CACNA2D3: variants seen among roughly 807,000 people sequenced by gnomAD.
The protein encoded by CACNA2D3 is voltage-dependent calcium channel subunit alpha-2/delta-3.
Under a neutral mutation model 160.6 loss-of-function variants are expected in CACNA2D3, and 60 were observed. The ratio of observed to expected loss-of-function variants is 0.37; its 90% CI spans 0.30 to 0.46. The LOEUF (loss-of-function observed/expected upper bound fraction) is 0.46. Ranked by LOEUF, CACNA2D3 falls within the 20% of genes least tolerant of loss-of-function variation. The pLI, the probability that CACNA2D3 is intolerant of heterozygous loss-of-function variation, is 1.00. For synonymous variants in CACNA2D3, 558 were observed against 492.9 expected (o/e 1.13, Z -1.75); for missense variants, 1,205 against 1,365.0 (o/e 0.88, Z 1.85).
intron 29 of CACNA2D3, among the ~76,000 whole-genome samples, chr3:54,981,094 T>C (rs905733176): frequency 6.6e-6 from 1 of 152,188 alleles, no homozygotes; most frequent in East Asian, 1.9e-4. Flanking sequence ...CCTGAACCCA[T>C]GCTGCCATGG....
chr3:54,314,823 C>T (rs949678627), intron 2 of CACNA2D3, among the ~76,000 whole-genome samples: 5 of 152,214 alleles, frequency 3.3e-5, no homozygotes, highest in Non-Finnish European at 1.5e-5. Flanking sequence ...GCAGAACAAA[C>T]AAATGGAGTG....
chr3:54,165,693 T>TGAGCCGAGGTGGGAGGATTGCTC (rs1401348615), intron 2 of CACNA2D3, among the ~76,000 whole-genome samples: 4 of 151,186 alleles, frequency 2.6e-5, no homozygotes, highest in Non-Finnish European at 1.5e-5. Flanking sequence ...GAGGATTGCT[T>TGAGCCGAGGTGGGAGGATTGCTC]GAGCCGAGGT....
intron 13 of CACNA2D3, among the ~76,000 whole-genome samples, chr3:54,783,793 C>T (rs1702578753): frequency 6.6e-6 from 1 of 152,080 alleles, no homozygotes; most frequent in African/African-American, 2.4e-5. Context: ...GAAAACTCAG[C>T]TCATCACACT....
chr3:54,406,805 A>T (rs370792897), intron 4 of CACNA2D3, among the ~76,000 whole-genome samples: 21 of 152,120 alleles, frequency 1.4e-4, no homozygotes, highest in African/African-American at 5.1e-4. Flanking sequence ...AAGTGAGTAG[A>T]TAGATTATAG....
At chr3:54,236,633 G>T (rs1001295610) in intron 2 of CACNA2D3, among the ~76,000 whole-genome samples, 18 of 152,164 alleles carry the variant, frequency 1.2e-4, no homozygotes, top group Admixed American at 1.0e-3. Flanking sequence ...CATAGAAGTT[G>T]TCAAAGATGT....
intron 9 of CACNA2D3, among the ~76,000 whole-genome samples, chr3:54,619,433 G>A (rs1190078543): frequency 1.3e-5 from 2 of 152,196 alleles, no homozygotes; most frequent in Non-Finnish European, 2.9e-5. Flanking sequence ...ATTGAAATGA[G>A]GATGTAGCTA....
chr3:54,277,703 T>C (rs1702778373), intron 2 of CACNA2D3, among the ~76,000 whole-genome samples: 1 of 152,234 alleles, frequency 6.6e-6, no homozygotes, highest in Non-Finnish European at 1.5e-5. Flanking sequence ...GCATTGAATC[T>C]ATAAATTACT....
At chr3:54,163,482 A>T (rs896263247) in intron 2 of CACNA2D3, among the ~76,000 whole-genome samples, 2 of 152,196 alleles carry the variant, frequency 1.3e-5, no homozygotes, top group Non-Finnish European at 2.9e-5. Context: ...GGTGGAATCC[A>T]TAATGGCTTC....
chr3:54,496,488 T>C lies in CACNA2D3; in HGVS notation c.382-7004T>C, dbSNP rs573242674. ...TGTCTGTTCAAATCTTTTGCCCATA[T>C]TTTGATTAATATTTTCAGTTGAGCT... On this transcript the variant is annotated intron_variant, in intron 4 of 37. Coordinates refer to ENST00000474759, the MANE Select transcript of CACNA2D3 (RefSeq NM_018398.3). Among the ~76,000 whole-genome samples, 21 of 152,322 alleles carry C rather than the reference T, an allele frequency of 1.4e-4. No individual in the cohort carries two copies. The South Asian group carries it at 4.1e-3, about 30-fold the overall frequency.
intron 27 of CACNA2D3, among the ~76,000 whole-genome samples, chr3:54,941,888 G>A (rs1441250806): frequency 2.0e-5 from 3 of 152,180 alleles, no homozygotes; most frequent in African/African-American, 4.8e-5. Context: ...TGTCTCGGCT[G>A]TAGTAAAAAT....
At chr3:54,192,888 T>C (rs1208957370) in intron 2 of CACNA2D3, among the ~76,000 whole-genome samples, 1 of 152,154 alleles carries the variant, frequency 6.6e-6, no homozygotes, top group Non-Finnish European at 1.5e-5. Context: ...AATCAGATCA[T>C]GTAGGAGACC....
rs200390121 is a variant in CACNA2D3, at chr3:54,918,580, G to A, written c.2449+18712G>A. 34 of 1,614,002 alleles carry A rather than the reference G, an allele frequency of 2.1e-5. No individual in the cohort carries two copies. The highest frequency in any genetic ancestry group is 2.8e-5 in the Non-Finnish European group (33 of 1,180,008). ...CGCATAGGTGCAGCCATAGATGGCA[G>A]CTGCCAACATCATGAGACACACAAT... On this transcript the variant is annotated intron_variant, in intron 27 of 37. Transcript: ENST00000474759.
chr3:54,339,549 A>T (rs190012095), intron 3 of CACNA2D3, among the ~76,000 whole-genome samples: 13 of 152,298 alleles, frequency 8.5e-5, no homozygotes, highest in Non-Finnish European at 1.8e-4. Flanking sequence ...ACTTTAGCCC[A>T]GTGAGGAGAA....
chr3:54,541,657 G>C (rs972684567), intron 5 of CACNA2D3, among the ~76,000 whole-genome samples: 1 of 152,188 alleles, frequency 6.6e-6, no homozygotes, highest in Admixed American at 6.5e-5. Flanking sequence ...TTGTTGGGCA[G>C]TTTCTCAAGT....
intron 8 of CACNA2D3, among the ~76,000 whole-genome samples, chr3:54,579,656 C>A (rs1315625752): frequency 6.6e-6 from 1 of 152,136 alleles, no homozygotes; most frequent in South Asian, 2.1e-4. Context: ...CACCCTAAAC[C>A]AAATGAGTCA....
chr3:54,788,100 C>T (rs1253153807), intron 13 of CACNA2D3, among the ~76,000 whole-genome samples: 2 of 152,156 alleles, frequency 1.3e-5, no homozygotes, highest in African/African-American at 2.4e-5. Flanking sequence ...ATATACATTT[C>T]CTTATTAATT....
intron 27 of CACNA2D3, among the ~76,000 whole-genome samples, chr3:54,922,320 CTT>C (rs199955110): frequency 3.1e-4 from 43 of 136,898 alleles, no homozygotes; most frequent in African/African-American, 3.4e-4. Flanking sequence ...GTCCTGGGAA[CTT>C]TTTTTTTTTT....
At chr3:54,461,920 A>G (rs866638360) in intron 4 of CACNA2D3, among the ~76,000 whole-genome samples, 8 of 152,338 alleles carry the variant, frequency 5.3e-5, no homozygotes, top group Non-Finnish European at 8.8e-5. Flanking sequence ...ATTTAGTGCT[A>G]TAAATTTCCC....
chr3:54,138,179 C>T (rs898501106), intron 2 of CACNA2D3, among the ~76,000 whole-genome samples: 8 of 152,244 alleles, frequency 5.3e-5, no homozygotes, highest in Non-Finnish European at 8.8e-5. Context: ...GTGAATCCAG[C>T]GCTGTCTGAA....
Sources: gnomAD v4.1 joint callset for allele counts (sites outside exome capture counted in the v4.1 genomes callset) on GRCh38, gnomAD v4.1.1 for gene constraint, MANE v1.5 for transcripts, NCBI Gene and HGNC (gene_info 2026-07-23, HGNC 2026-07-21) for gene names.